Variants in ZFP91 observed in about 807,000 individuals in gnomAD.
ZFP91 encodes the protein E3 ubiquitin-protein ligase ZFP91.
A neutral mutation model predicts 63.5 loss-of-function variants in ZFP91; 7 were observed. That is an observed-to-expected ratio of 0.11 (90% CI 0.06 to 0.21). ZFP91 has a LOEUF of 0.21. Ranked by LOEUF, ZFP91 falls within the 10% of genes least tolerant of loss-of-function variation. ZFP91 has a pLI of 1.00. For synonymous variants in ZFP91, 330 were observed against 272.1 expected, an observed-to-expected ratio of 1.21 and a Z score of -2.10; for missense variants, 628 against 736.6, an observed-to-expected ratio of 0.85 and a Z score of 1.71.
chr11:58,579,613 C>T lies in ZFP91; in HGVS notation c.332C>T (p.Pro111Leu), dbSNP rs748235828. The change falls in exon 1 of 11, where the codon CCG becomes CTG. Residue 111 changes from proline to leucine, a missense_variant. By Grantham distance (98) the Pro-to-Leu change is moderately conservative (BLOSUM62 -3). Transcript: ENST00000316059. The stretch of plus-strand genomic sequence containing the variant: ...TCTCCAGTTCAGGGCAAGAAGAGTC[C>T]GCGACTCCTGTGAGTAACAGTCTTT... ...SPSPVQGKKS[P>L]RLLCIEKVTT... is the part of the protein sequence containing the mutation. The T allele has an allele frequency of 1.3e-6, 2 of 1,570,798 alleles. No homozygotes were observed. The highest frequency in any genetic ancestry group is 1.7e-6 in the Non-Finnish European group (2 of 1,162,928).
At chr11:58,584,374 A>T (rs776102201) in intron 1 of ZFP91, among the ~76,000 whole-genome samples, 1 of 152,112 alleles carries the variant, frequency 6.6e-6, no homozygotes, top group Non-Finnish European at 1.5e-5. Flanking sequence ...AGATTTTGCC[A>T]TGCTTGCTAT....
rs1855769428 is a variant in ZFP91 at position 58,617,524 on chromosome 11, G to A, written c.1531G>A (p.Glu511Lys). 1 of 1,614,086 alleles carries A rather than the reference G, an allele frequency of 6.2e-7. No individual in the cohort carries two copies. The highest frequency in any genetic ancestry group is 8.5e-7 in the Non-Finnish European group (1 of 1,179,970). The change falls in exon 11 of 11, where the codon GAA becomes AAA. Residue 511 changes from glutamate (E) to lysine (K), a missense_variant. Glu to Lys is a moderately conservative substitution (Grantham distance 56). Coordinates refer to ENST00000316059, the MANE Select transcript of ZFP91 (RefSeq NM_053023.5). The surrounding 1 kb of genome is among the most constrained non-coding windows in gnomAD (Gnocchi z 4.2). ...NSTSGECLLLEAEGMSKSYCS... is the reference protein window; with the variant it reads ...NSTSGECLLLKAEGMSKSYCS... The stretch of plus-strand genomic sequence containing the variant: ...AACCTCTGGAGAGTGCCTACTGTTA[G>A]AAGCTGAAGGGATGTCAAAGTCATA...
At position 58,579,228 on chromosome 11, in the gene ZFP91, G is replaced by C. The variant is rs1275481804; in HGVS notation, c.-54G>C. 7.4e-7 allele frequency: 1 copy of C among 1,346,140 alleles called. No individual in the cohort carries two copies. Among genetic ancestry groups the C allele is most frequent in the Non-Finnish European group, 9.5e-7 (1 of 1,051,250 alleles). The allele number at this position is 1,346,140 out of a possible 1,614,324, so 83.4% of individuals were successfully genotyped here. On this transcript the variant is annotated 5_prime_UTR_variant, in exon 1 of 11. Coordinates refer to ENST00000316059, the MANE Select transcript of ZFP91 (RefSeq NM_053023.5). ...GGGCGGGGGGAGCAGCGCCGAGGCC[G>C]CCGCCTCCGCCTCCGCCGCCTAGGA...
At position 58,588,471 on chromosome 11, in the gene ZFP91, A is replaced by G. The variant is rs552537192; in HGVS notation, c.370+3587A>G. Among the ~76,000 whole-genome samples, 13 of 152,192 alleles carry G rather than the reference A, an allele frequency of 8.5e-5. No homozygotes were observed. In the South Asian group the frequency reaches 1.9e-3, roughly 22 times the overall value. On this transcript the variant is annotated intron_variant, in intron 2 of 10. Transcript: ENST00000316059. ...ATGACATCCTCAGTTTTTTTCTTATATTGATACAGTCTAATTTATAGCTTA... is the reference window on the plus strand; with the variant it reads ...ATGACATCCTCAGTTTTTTTCTTATGTTGATACAGTCTAATTTATAGCTTA...
intron 2 of ZFP91, among the ~76,000 whole-genome samples, chr11:58,602,711 G>A (rs2134409694): frequency 6.6e-6 from 1 of 152,284 alleles, no homozygotes; most frequent in South Asian, 2.1e-4. Flanking sequence ...GGCTTTTGTG[G>A]TAATTTGTTA....
chr11:58,608,007 A>G (rs550452895), intron 2 of ZFP91, among the ~76,000 whole-genome samples: 1 of 152,062 alleles, frequency 6.6e-6, no homozygotes, highest in South Asian at 2.1e-4. Flanking sequence ...CTACCTTGGA[A>G]GTAACCAGTA....
At chr11:58,602,928 A>G (rs1855513854) in intron 2 of ZFP91, among the ~76,000 whole-genome samples, 1 of 152,166 alleles carries the variant, frequency 6.6e-6, no homozygotes, top group Admixed American at 6.5e-5. Flanking sequence ...GCGGTGAGCC[A>G]AGATTGCGCC....
Position 58,579,506 on chromosome 11 carries a change from G to A in ZFP91, c.225G>A (p.Glu75=), listed in dbSNP as rs536871879. The change falls in exon 1 of 11, where the codon GAG becomes GAA. Residue 75 remains glutamate, a synonymous_variant. Coordinates refer to ENST00000316059, the MANE Select transcript of ZFP91 (RefSeq NM_053023.5). ...AAAVSRRRKA[E]YPRRRRSSPS... Reference sequence around the variant, plus strand: ...CTGTGTCCCGCCGGAGGAAGGCCGAGTATCCCCGCCGGCGGAGGAGCAGCC... The same window carrying A: ...CTGTGTCCCGCCGGAGGAAGGCCGAATATCCCCGCCGGCGGAGGAGCAGCC... 2.9e-5 allele frequency: 44 copies of A among 1,542,324 alleles called. No homozygotes were observed. The African/African-American group carries it at 5.1e-4, about 18-fold the overall frequency.
At chr11:58,612,246 T>C (rs1855677327) in intron 6 of ZFP91, 32 bp from the exon 7 acceptor site, 1 of 1,611,274 alleles carries the variant, frequency 6.2e-7, no homozygotes. Flanking sequence ...TGATTCAGAA[T>C]ATGTCTACTG....
chr11:58,611,686 G>C lies in ZFP91; in HGVS notation c.805G>C (p.Glu269Gln). 6.2e-7 allele frequency: 1 copy of C among 1,612,558 alleles called. No homozygotes were observed. The highest frequency in any genetic ancestry group is 8.5e-7 in the Non-Finnish European group (1 of 1,179,200). ...GGAAATTAAAGTGGAAGTAGAGGTG[G>C]AGGTGAAAGAAGAGGAGAATGAAAT... ...KKEIKVEVEV[E>Q]VKEEENEIRE... The change falls in exon 6 of 11, where the codon GAG becomes CAG. Residue 269 changes from glutamate to glutamine, a missense_variant. This residue lies in a region of ZFP91 where 437 missense variants were observed against 380.3 expected (regional missense o/e 1.15). Coordinates refer to ENST00000316059, the MANE Select transcript of ZFP91 (RefSeq NM_053023.5).
intron 9 of ZFP91, among the ~76,000 whole-genome samples, chr11:58,614,961 A>T (rs1855726719): frequency 6.6e-6 from 1 of 152,212 alleles, no homozygotes; most frequent in Non-Finnish European, 1.5e-5. Flanking sequence ...AGTATGTCCC[A>T]GACACTTGAT....
rs1443098328 is a variant in ZFP91, at chr11:58,579,455, GGCCGCTGCGGCCGCCGCC to G, written c.180_197del (p.Ala62_Ala67del). On this transcript the variant is annotated inframe_deletion, in exon 1 of 11. Transcript: ENST00000316059. ...TGAGGGGAGGTCGGGACCGAGGCCG[GGCCGCTGCGGCCGCCGCC>G]GCCGCAGCTGTGTCCCGCCGGAGGA... The G allele has an allele frequency of 2.1e-6, 3 of 1,451,668 alleles. No homozygotes were observed. Among genetic ancestry groups the G allele is most frequent in the Non-Finnish European group, 2.7e-6 (3 of 1,111,302 alleles). The allele number at this position is 1,451,668 out of a possible 1,614,324, so 89.9% of individuals were successfully genotyped here. A position where few individuals can be genotyped will look rare whatever the true frequency, so the allele number is the denominator to read the frequency against.
At chr11:58,610,848 C>T (rs1204653818) in intron 4 of ZFP91, 102 bp from the exon 5 acceptor site, 4 of 961,920 alleles carry the variant, frequency 4.2e-6, no homozygotes, top group Non-Finnish European at 6.0e-6. Flanking sequence ...TGCTAGATGA[C>T]TTTATCAGTG....
chr11:58,619,291 C>G lies in ZFP91; in HGVS notation c.*1585C>G, dbSNP rs145767734. On this transcript the variant is annotated 3_prime_UTR_variant, in exon 11 of 11. Transcript: ENST00000316059. ...GGGGAATAGATTGCTTATTGCTGTTCACTGGAGAGAAAAGGTAGTGTTTTT... is the reference window on the plus strand; with the variant it reads ...GGGGAATAGATTGCTTATTGCTGTTGACTGGAGAGAAAAGGTAGTGTTTTT... 2 of 152,322 alleles carry G rather than the reference C, an allele frequency of 1.3e-5. No individual in the cohort carries two copies. The highest frequency in any genetic ancestry group is 3.9e-4 in the East Asian group (2 of 5,184). 9.4% of individuals were successfully genotyped at this position (152,322 alleles called of 1,614,324 possible).
intron 6 of ZFP91, chr11:58,612,062 A>G: frequency 1.7e-6 from 1 of 579,074 alleles, no homozygotes; most frequent in South Asian, 2.4e-5. Flanking sequence ...TGGAAGGTAT[A>G]TATTTAATCT....
At chr11:58,597,197 G>A (rs185740247) in intron 2 of ZFP91, among the ~76,000 whole-genome samples, 2 of 152,244 alleles carry the variant, frequency 1.3e-5, no homozygotes, top group African/African-American at 4.8e-5. Flanking sequence ...AAGATTGTTA[G>A]TTTTTCTCTT....
intron 1 of ZFP91, among the ~76,000 whole-genome samples, chr11:58,580,371 A>G (rs79904289): frequency 0.022 from 3,279 of 152,348 alleles, 50 homozygotes; most frequent in Non-Finnish European, 0.024. Context: ...AGGAAACATG[A>G]ACAGGTGGCC....
At chr11:58,579,990 C>T (rs1380176544) in intron 1 of ZFP91, among the ~76,000 whole-genome samples, 4 of 152,162 alleles carry the variant, frequency 2.6e-5, no homozygotes, top group Non-Finnish European at 5.9e-5. Flanking sequence ...TATTACATCA[C>T]ATGCCCTTTA....
intron 1 of ZFP91, 65 bp downstream of exon 1, chr11:58,579,687 C>T: frequency 6.4e-6 from 9 of 1,395,890 alleles, no homozygotes; most frequent in African/African-American, 1.5e-5. Context: ...CCTCTCGGCT[C>T]CCGTAGCGCC....
Sources: gnomAD v4.1 joint callset for allele counts (sites outside exome capture counted in the v4.1 genomes callset) on GRCh38, gnomAD v4.1.1 for gene constraint, gnomAD v4.1.1 regional missense constraint, Gnocchi (gnomAD v3.1) non-coding constraint, MANE v1.5 for transcripts, NCBI Gene and HGNC (gene_info 2026-07-23, HGNC 2026-07-21) for gene names.